Variants in MALRD1 observed in about 807,000 individuals in gnomAD.
MALRD1 encodes the protein MAM and LDL receptor class A domain containing 1.
Under a neutral mutation model 242.1 loss-of-function variants are expected in MALRD1, and 247 were observed. That is an observed-to-expected ratio of 1.02 (90% CI 0.92 to 1.13). The LOEUF is 1.13. MALRD1 is among the 50% of genes most tolerant of loss of function. The pLI is 0.00. For missense variants in MALRD1, 2,989 were observed against 2,533.1 expected, an observed-to-expected ratio of 1.18 and a Z score of -3.86; for synonymous variants, 995 against 866.6, an observed-to-expected ratio of 1.15 and a Z score of -2.60.
At chr10:19,671,752 G>A (rs904371238) in intron 36 of MALRD1, among the ~76,000 whole-genome samples, 3 of 152,126 alleles carry the variant, frequency 2.0e-5, no homozygotes, top group African/African-American at 4.8e-5. Flanking sequence ...AGAATGCACA[G>A]GAAATAATGA....
chr10:19,726,925 C>T (rs941813620), intron 38 of MALRD1, among the ~76,000 whole-genome samples: 1 of 152,042 alleles, frequency 6.6e-6, no homozygotes, highest in Non-Finnish European at 1.5e-5. Context: ...TCAGAATTTA[C>T]CTGGGATTGG....
At chr10:19,540,319 A>T (rs1342676442) in intron 32 of MALRD1, among the ~76,000 whole-genome samples, 1 of 143,338 alleles carries the variant, frequency 7.0e-6, no homozygotes, top group Non-Finnish European at 1.5e-5. Flanking sequence ...CCTCTCTTAA[A>T]TGCAGAATGA....
At chr10:19,732,328 T>G (rs1835330052) in intron 39 of MALRD1, among the ~76,000 whole-genome samples, 1 of 152,132 alleles carries the variant, frequency 6.6e-6, no homozygotes, top group Non-Finnish European at 1.5e-5. Context: ...AATGGTGTGA[T>G]CTCGACTCAC....
At chr10:19,276,643 T>G (rs1157624086) in intron 19 of MALRD1, among the ~76,000 whole-genome samples, 1 of 152,196 alleles carries the variant, frequency 6.6e-6, no homozygotes, top group Non-Finnish European at 1.5e-5. Flanking sequence ...CATTCAAAAA[T>G]GATAAAATGA....
chr10:19,171,601 TAC>T (rs1198682313), intron 13 of MALRD1, among the ~76,000 whole-genome samples: 21 of 119,248 alleles, frequency 1.8e-4, no homozygotes, highest in Non-Finnish European at 3.0e-4. Flanking sequence ...TGTATATAAA[TAC>T]ACACACACAT....
intron 29 of MALRD1, chr10:19,488,873 T>A (rs764156350): frequency 2.0e-5 from 7 of 353,498 alleles, no homozygotes; most frequent in Non-Finnish European, 3.4e-5. Flanking sequence ...AGAGTTAGGA[T>A]TTTTGTTAAG....
rs529810107 is a variant in MALRD1 at position 19,054,804 on chromosome 10, T to G, written c.199+5667T>G. 2.0e-5 allele frequency among the ~76,000 whole-genome samples: 3 copies of G among 152,332 alleles called. No homozygotes were observed. In the East Asian group the frequency reaches 5.8e-4, roughly 29 times the overall value. On this transcript the variant is annotated intron_variant, in intron 1 of 39. Transcript: ENST00000454679. Reference sequence around the variant, plus strand: ...CACATTTTCTTTATGTATCCATTGATGTACACTTAAATTGATTCTACATCT... The same window carrying G: ...CACATTTTCTTTATGTATCCATTGAGGTACACTTAAATTGATTCTACATCT...
At chr10:19,280,761 A>G (rs1840766260) in intron 20 of MALRD1, among the ~76,000 whole-genome samples, 1 of 152,232 alleles carries the variant, frequency 6.6e-6, no homozygotes, top group African/African-American at 2.4e-5. Context: ...CTTTTCCTAA[A>G]TGGATCAAAG....
chr10:19,539,758 C>T (rs1334446464), intron 32 of MALRD1, among the ~76,000 whole-genome samples: 2 of 151,754 alleles, frequency 1.3e-5, no homozygotes, highest in African/African-American at 4.8e-5. Flanking sequence ...GCAGTCTCCA[C>T]TCACTGCAGT....
chr10:19,358,985 A>G (rs1023283858), intron 26 of MALRD1, among the ~76,000 whole-genome samples: 1 of 152,210 alleles, frequency 6.6e-6, no homozygotes, highest in Non-Finnish European at 1.5e-5. Context: ...CTGATTATAC[A>G]TAATAAGAAA....
At chr10:19,436,806 T>C (rs1272133452) in intron 28 of MALRD1, among the ~76,000 whole-genome samples, 2 of 152,184 alleles carry the variant, frequency 1.3e-5, no homozygotes, top group Non-Finnish European at 2.9e-5. Context: ...TGGCATAACA[T>C]GCTGTTAAGT....
intron 30 of MALRD1, among the ~76,000 whole-genome samples, chr10:19,497,290 T>G (rs911614589): frequency 2.6e-5 from 4 of 150,960 alleles, no homozygotes; most frequent in African/African-American, 7.4e-5. Flanking sequence ...TATCACATAA[T>G]AAAAACCTAT....
intron 21 of MALRD1, among the ~76,000 whole-genome samples, chr10:19,286,502 T>C (rs1258441829): frequency 6.6e-6 from 1 of 152,176 alleles, no homozygotes; most frequent in Non-Finnish European, 1.5e-5. Context: ...CTGCATCTAT[T>C]GAGATAATCA....
chr10:19,406,561 G>A (rs115512999), intron 28 of MALRD1, among the ~76,000 whole-genome samples: 2 of 152,164 alleles, frequency 1.3e-5, no homozygotes, highest in East Asian at 3.9e-4. Context: ...CTGGCTAAGG[G>A]TGTCTGTCAT....
At position 19,135,510 on chromosome 10, in the gene MALRD1, G is replaced by T. The variant is rs555616708; in HGVS notation, c.1204-1064G>T. ...CAGAAACTTTAAGCTGGATGAAACT[G>T]AAGGAAGTCAATTTTAATTCTTAGT... On this transcript the variant is annotated intron_variant, in intron 9 of 39. Coordinates refer to ENST00000454679, the MANE Select transcript of MALRD1 (RefSeq NM_001142308.3). Among the ~76,000 whole-genome samples, 9 of 152,236 alleles carry T rather than the reference G, an allele frequency of 5.9e-5. No homozygotes were observed. In the South Asian group the frequency reaches 1.0e-3, roughly 18 times the overall value.
intron 21 of MALRD1, among the ~76,000 whole-genome samples, chr10:19,315,088 A>ATATGTAAATATAATTTATATAAT (rs1395196547): frequency 4.2e-5 from 6 of 142,012 alleles, no homozygotes; most frequent in African/African-American, 1.3e-4. Context: ...ATTTATAGAA[A>ATATGTAAATATAATTTATATAAT]TATGTAAATA....
chr10:19,109,340 A>G (rs1045377400), intron 5 of MALRD1, among the ~76,000 whole-genome samples: 3 of 152,108 alleles, frequency 2.0e-5, no homozygotes, highest in East Asian at 1.9e-4. Flanking sequence ...GGGCTGCTCC[A>G]CTACCGGGTT....
intron 4 of MALRD1, among the ~76,000 whole-genome samples, chr10:19,099,199 C>T (rs532475878): frequency 1.3e-5 from 2 of 152,246 alleles, no homozygotes; most frequent in South Asian, 2.1e-4. Context: ...GTTTGCTTAT[C>T]TATGTTTACA....
At chr10:19,345,158 G>A (rs1188856343) in intron 24 of MALRD1, among the ~76,000 whole-genome samples, 1 of 151,942 alleles carries the variant, frequency 6.6e-6, no homozygotes, top group Non-Finnish European at 1.5e-5. Context: ...TGGTATATTA[G>A]AAATAAACTT....
Sources: allele counts gnomAD v4.1 joint callset (sites outside exome capture counted in the v4.1 genomes callset), GRCh38; gene constraint gnomAD v4.1.1; transcripts MANE v1.5; gene names NCBI Gene and HGNC (gene_info 2026-07-23, HGNC 2026-07-21).